The following RANBP2 variants were observed in gnomAD, a reference collection of about 807,000 sequenced individuals.
RANBP2 encodes the protein RAN binding protein 2.
RANBP2 carries 57 observed loss-of-function variants against 303.6 expected under a neutral mutation model. The observed-to-expected ratio is 0.19, with a 90% CI of 0.15 to 0.23. The LOEUF is 0.23. RANBP2 is among the 10% of genes least tolerant of loss of function. The probability of loss-of-function intolerance (pLI) is 1.00; values close to 1 mark genes in which losing one functional copy is unlikely to be tolerated. For missense variants in RANBP2, 3,138 were observed against 3,780.8 expected (o/e 0.83, Z 4.46); for synonymous variants, 1,167 against 1,301.5 (o/e 0.90, Z 2.23).
the RANBP2 span, among the ~76,000 whole-genome samples, chr2:109,021,353 C>T: frequency 2.0e-5 from 3 of 151,990 alleles, no homozygotes; most frequent in Non-Finnish European, 4.4e-5. Context: ...GAAACCCCAT[C>T]TCTTCTAAAC....
the RANBP2 span, among the ~76,000 whole-genome samples, chr2:108,837,851 G>C: frequency 6.6e-6 from 1 of 152,008 alleles, no homozygotes; most frequent in Non-Finnish European, 1.5e-5. Flanking sequence ...GAGAGTATAT[G>C]GCTAGTAAAT....
the RANBP2 span, among the ~76,000 whole-genome samples, chr2:108,841,638 G>T: frequency 2.6e-5 from 4 of 151,860 alleles, no homozygotes; most frequent in African/African-American, 9.7e-5. Context: ...TATCTAGAAT[G>T]AGTTTTTTTA....
At chr2:108,741,728 G>A (rs1271728510) in intron 7 of RANBP2, among the ~76,000 whole-genome samples, 2 of 148,420 alleles carry the variant, frequency 1.3e-5, no homozygotes, top group Middle Eastern at 7.3e-3. Context: ...TAGCCAGGAT[G>A]GTCTCAATCT....
chr2:108,726,363 TAGCGA>T (rs1158164524), intron 1 of RANBP2, among the ~76,000 whole-genome samples: 1 of 151,994 alleles, frequency 6.6e-6, no homozygotes, highest in Non-Finnish European at 1.5e-5. Context: ...AGAGCAAGAG[TAGCGA>T]TGCTGGCAGT....
the RANBP2 span, among the ~76,000 whole-genome samples, chr2:109,320,258 G>A: frequency 6.6e-6 from 1 of 152,186 alleles, no homozygotes; most frequent in Non-Finnish European, 1.5e-5. Flanking sequence ...GAGGAGGGCG[G>A]TGGGAATGAG....
the RANBP2 span, among the ~76,000 whole-genome samples, chr2:109,735,493 TCTC>T: frequency 6.6e-6 from 1 of 152,168 alleles, no homozygotes; most frequent in Non-Finnish European, 1.5e-5. Context: ...TCTCTCTCTC[TCTC>T]TTTTTCTTTT....
In RANBP2 at chr2:108,725,944, C is replaced by G. The variant is rs183376282; in HGVS notation, c.73-3188C>G. Among the ~76,000 whole-genome samples the G allele has an allele frequency of 3.4e-3, 523 of 151,972 alleles. 7 individuals are homozygous for G. Among genetic ancestry groups the G allele is most frequent in the African/African-American group, 0.012 (496 of 41,438 alleles). ...TCTCACCTCCTTGTTTACATTTATT[C>G]CCAGGCATTTTTTTCTTTTAGATGC... is the stretch of plus-strand genomic sequence containing the variant. On this transcript the variant is annotated intron_variant, in intron 1 of 28. Coordinates refer to ENST00000283195, the MANE Select transcript of RANBP2 (RefSeq NM_006267.5).
chr2:109,319,542 GA>G, the RANBP2 span, among the ~76,000 whole-genome samples: 1 of 152,236 alleles, frequency 6.6e-6, no homozygotes, highest in Non-Finnish European at 1.5e-5. Context: ...TTCTGAGTGA[GA>G]GGGGGCTCAC....
chr2:108,741,844 A>T (rs1206550057), intron 7 of RANBP2, among the ~76,000 whole-genome samples: 12 of 139,004 alleles, frequency 8.6e-5, no homozygotes, highest in Non-Finnish European at 1.8e-4. Flanking sequence ...ATGAGCTTGC[A>T]TAACTTTTGA....
the RANBP2 span, among the ~76,000 whole-genome samples, chr2:109,698,628 G>A: frequency 2.7e-5 from 4 of 150,316 alleles, no homozygotes; most frequent in Non-Finnish European, 5.9e-5. Context: ...TGATGTGTTT[G>A]TATTAATTGA....
chr2:108,826,235 T>G, the RANBP2 span, among the ~76,000 whole-genome samples: 1 of 152,200 alleles, frequency 6.6e-6, no homozygotes, highest in Non-Finnish European at 1.5e-5. Context: ...GATAGTATCC[T>G]TTGAAGCATA....
the RANBP2 span, chr2:108,873,516 C>T: frequency 1.9e-6 from 3 of 1,612,780 alleles, no homozygotes; most frequent in Non-Finnish European, 2.5e-6. Context: ...CTCTGTGCTG[C>T]TTCGAGCCCC....
chr2:109,077,365 T>C, the RANBP2 span, among the ~76,000 whole-genome samples: 4 of 150,616 alleles, frequency 2.7e-5, no homozygotes, highest in African/African-American at 9.7e-5. Flanking sequence ...GATGATCTGC[T>C]TCCACTTAAT....
the RANBP2 span, among the ~76,000 whole-genome samples, chr2:108,865,550 C>A: frequency 6.6e-6 from 1 of 152,180 alleles, no homozygotes; most frequent in Non-Finnish European, 1.5e-5. Flanking sequence ...CTGGAGAAGA[C>A]CCTCACCAAT....
the RANBP2 span, among the ~76,000 whole-genome samples, chr2:109,688,438 G>T: frequency 9.7e-4 from 148 of 152,290 alleles, 2 homozygotes; most frequent in South Asian, 6.8e-3. Context: ...AGCCTCCTGT[G>T]AGCTGAAAAG....
the RANBP2 span, among the ~76,000 whole-genome samples, chr2:109,525,004 G>C: frequency 6.6e-6 from 1 of 151,466 alleles, no homozygotes; most frequent in Non-Finnish European, 1.5e-5. Context: ...CAGTGCTTCT[G>C]CAGCTGCCTG....
chr2:109,182,700 T>G, the RANBP2 span, among the ~76,000 whole-genome samples: 6 of 152,352 alleles, frequency 3.9e-5, 1 homozygote, highest in South Asian at 1.0e-3. Context: ...GGTATTTCCT[T>G]GATATCAACT....
the RANBP2 span, among the ~76,000 whole-genome samples, chr2:109,632,648 C>T: frequency 4.6e-5 from 7 of 152,034 alleles, no homozygotes; most frequent in African/African-American, 1.4e-4. Flanking sequence ...GTAGAAACCC[C>T]GTTTCTACTA....
At chr2:109,164,169 CT>C in the RANBP2 span, among the ~76,000 whole-genome samples, 24 of 149,672 alleles carry the variant, frequency 1.6e-4, no homozygotes, top group Admixed American at 2.0e-4. Context: ...ATGCCTCTCT[CT>C]TTTTTTTTTC....
Sources: gnomAD v4.1 joint callset for allele counts (sites outside exome capture counted in the v4.1 genomes callset) on GRCh38, gnomAD v4.1.1 for gene constraint, MANE v1.5 for transcripts, NCBI Gene and HGNC (gene_info 2026-07-23, HGNC 2026-07-21) for gene names.